MIPOL1: variants seen among roughly 807,000 people sequenced by gnomAD.
The protein encoded by MIPOL1 is mirror-image polydactyly 1.
MIPOL1 carries 57 observed loss-of-function variants against 60.9 expected under a neutral mutation model. The ratio of observed to expected loss-of-function variants is 0.94; its 90% CI spans 0.76 to 1.17. The LOEUF (loss-of-function observed/expected upper bound fraction) is 1.17. Among genes scored for constraint, MIPOL1 ranks in the 50% most tolerant of loss-of-function variants. MIPOL1 has a pLI of 0.00. For synonymous variants in MIPOL1, 179 were observed against 168.8 expected (o/e 1.06, Z -0.47); for missense variants, 551 against 511.6 (o/e 1.08, Z -0.74).
At chr14:37,520,902 A>T (rs2095408248) in intron 12 of MIPOL1, among the ~76,000 whole-genome samples, 1 of 139,568 alleles carries the variant, frequency 7.2e-6, no homozygotes, top group Non-Finnish European at 1.6e-5. Context: ...TTGTGAGATG[A>T]TATTTGGAAT....
At chr14:37,451,740 T>C (rs975076221) in intron 11 of MIPOL1, among the ~76,000 whole-genome samples, 1 of 151,938 alleles carries the variant, frequency 6.6e-6, no homozygotes, top group African/African-American at 2.4e-5. Context: ...AATGTTCTGC[T>C]GAATTGTATT....
intron 11 of MIPOL1, among the ~76,000 whole-genome samples, chr14:37,467,791 A>G (rs982738966): frequency 1.3e-5 from 2 of 152,130 alleles, no homozygotes; most frequent in Admixed American, 6.5e-5. Flanking sequence ...GCGGTGGCTC[A>G]TGCCTATAAT....
chr14:37,394,940 T>C (rs1330576168), intron 10 of MIPOL1, among the ~76,000 whole-genome samples: 1 of 152,200 alleles, frequency 6.6e-6, no homozygotes, highest in Non-Finnish European at 1.5e-5. Context: ...TTGATTTTTG[T>C]ATAAAGTGAG....
chr14:37,474,974 TA>T (rs1312794519), intron 11 of MIPOL1, among the ~76,000 whole-genome samples: 1 of 152,024 alleles, frequency 6.6e-6, no homozygotes, highest in Non-Finnish European at 1.5e-5. Context: ...TTTTTATTTT[TA>T]TTTTTTTTTG....
intron 12 of MIPOL1, chr14:37,501,468 T>G (rs926667427): frequency 3.3e-5 from 5 of 152,210 alleles, no homozygotes; most frequent in African/African-American, 9.6e-5. Flanking sequence ...ACAGACCAAT[T>G]CTATTTTCAA....
intron 10 of MIPOL1, among the ~76,000 whole-genome samples, chr14:37,382,882 A>C (rs1008179068): frequency 1.3e-5 from 2 of 151,932 alleles, no homozygotes; most frequent in African/African-American, 4.8e-5. Context: ...TCATAGACAC[A>C]TTTTATAGAT....
chr14:37,542,813 T>G (rs1388160152), intron 12 of MIPOL1, among the ~76,000 whole-genome samples: 4 of 152,196 alleles, frequency 2.6e-5, no homozygotes, highest in Non-Finnish European at 4.4e-5. Flanking sequence ...CTTTGAATAA[T>G]CAAAGCCCAG....
At position 37,426,566 on chromosome 14, in the gene MIPOL1, T is replaced by TATACATATACATATATACATATAC. The variant is rs1555339832; in HGVS notation, c.1031+3626_1031+3627insCATATATACATATACATACATATA. On this transcript the variant is annotated intron_variant, in intron 11 of 12. Transcript: ENST00000684589. Reference sequence around the variant, plus strand: ...ACAAGAGTGAAACTCTGTCTCAAAATATACATATATATATATATATATATA... The same window carrying TATACATATACATATATACATATAC: ...ACAAGAGTGAAACTCTGTCTCAAAATATACATATACATATATACATATACATACATATATATATATATATATATA... Among the ~76,000 whole-genome samples the TATACATATACATATATACATATAC allele has an allele frequency of 2.2e-3, 170 of 76,778 alleles. 2 individuals are homozygous for TATACATATACATATATACATATAC. The highest frequency in any genetic ancestry group is 7.7e-3 in the African/African-American group (155 of 20,010). The allele number at this position is 76,778 out of a possible 152,430, so 50.4% of individuals were successfully genotyped here.
At chr14:37,417,144 T>C (rs2093784399) in intron 10 of MIPOL1, among the ~76,000 whole-genome samples, 1 of 152,140 alleles carries the variant, frequency 6.6e-6, no homozygotes, top group Non-Finnish European at 1.5e-5. Flanking sequence ...CCAGCCTTTC[T>C]GGTTCCATAG....
Position 37,344,028 on chromosome 14 carries a change from T to C in MIPOL1, c.829-25489T>C, listed in dbSNP as rs867344907. On this transcript the variant is annotated intron_variant, in intron 9 of 12. Coordinates refer to ENST00000684589, the MANE Select transcript of MIPOL1 (RefSeq NM_001388067.1). ...TGAAGGAAATCCAGACATAACATTCTTTTCATCTATAGCTTTTATAGTGTA... is the reference window on the plus strand; with the variant it reads ...TGAAGGAAATCCAGACATAACATTCCTTTCATCTATAGCTTTTATAGTGTA... Among the ~76,000 whole-genome samples, 4 of 152,130 alleles carry C rather than the reference T, an allele frequency of 2.6e-5. No homozygotes were observed. In the South Asian group the frequency reaches 8.3e-4, roughly 32 times the overall value.
At chr14:37,510,183 A>G (rs946240518) in intron 12 of MIPOL1, among the ~76,000 whole-genome samples, 1 of 151,994 alleles carries the variant, frequency 6.6e-6, no homozygotes, top group African/African-American at 2.4e-5. Context: ...TAGACTGTAT[A>G]TATGTATGGT....
intron 11 of MIPOL1, among the ~76,000 whole-genome samples, chr14:37,451,401 CTT>C (rs1280424275): frequency 6.6e-6 from 1 of 152,036 alleles, no homozygotes; most frequent in Non-Finnish European, 1.5e-5. Context: ...TTAAAAATAA[CTT>C]TTTATTTCTA....
At chr14:37,235,669 C>T (rs375431305) in intron 1 of MIPOL1, among the ~76,000 whole-genome samples, 3 of 152,002 alleles carry the variant, frequency 2.0e-5, no homozygotes, top group African/African-American at 7.2e-5. Flanking sequence ...GTTGTAGAAA[C>T]GTTACTGTTA....
intron 11 of MIPOL1, among the ~76,000 whole-genome samples, chr14:37,491,891 C>G (rs1368423312): frequency 2.6e-5 from 4 of 152,190 alleles, no homozygotes; most frequent in African/African-American, 4.8e-5. Flanking sequence ...CTCATACACA[C>G]TCTTATCCAT....
At chr14:37,304,252 G>GT (rs1306198653) in intron 7 of MIPOL1, among the ~76,000 whole-genome samples, 2 of 151,258 alleles carry the variant, frequency 1.3e-5, no homozygotes, top group African/African-American at 2.4e-5. Context: ...GATCTACATT[G>GT]TATCTCTGTT....
At chr14:37,237,437 G>GT (rs1484955090) in intron 1 of MIPOL1, among the ~76,000 whole-genome samples, 100 of 151,112 alleles carry the variant, frequency 6.6e-4, no homozygotes, top group African/African-American at 1.9e-3. Flanking sequence ...TTGATTTGAT[G>GT]TTTTTTTTTG....
At chr14:37,277,376 A>T (rs1222931807) in intron 6 of MIPOL1, 2 of 151,292 alleles carry the variant, frequency 1.3e-5, no homozygotes, top group Admixed American at 1.3e-4. Flanking sequence ...GTTATATTTC[A>T]AAAGACATAC....
chr14:37,530,640 G>A (rs996348970), intron 12 of MIPOL1, among the ~76,000 whole-genome samples: 2 of 152,148 alleles, frequency 1.3e-5, no homozygotes, highest in African/African-American at 2.4e-5. Flanking sequence ...TAGGCCAGAT[G>A]TCAAGGCTGC....
intron 11 of MIPOL1, among the ~76,000 whole-genome samples, chr14:37,446,911 C>T (rs1470992571): frequency 6.8e-6 from 1 of 147,278 alleles, no homozygotes. Flanking sequence ...GCATCACACT[C>T]TGGGGACTGT....
Sources: allele counts gnomAD v4.1 joint callset (sites outside exome capture counted in the v4.1 genomes callset), GRCh38; gene constraint gnomAD v4.1.1; transcripts MANE v1.5; gene names NCBI Gene and HGNC (gene_info 2026-07-23, HGNC 2026-07-21).